Variants in CDH12 observed in about 807,000 individuals in gnomAD.
The protein encoded by CDH12 is cadherin 12.
A neutral mutation model predicts 74.1 loss-of-function variants in CDH12; 41 were observed. The ratio of observed to expected loss-of-function variants is 0.55; its 90% CI spans 0.43 to 0.72. CDH12 has a LOEUF of 0.72. Ranked by LOEUF, CDH12 falls within the 30% of genes least tolerant of loss-of-function variation. The pLI is 0.00. For synonymous variants in CDH12, 399 were observed against 355.0 expected (o/e 1.12, Z -1.39); for missense variants, 945 against 977.2 (o/e 0.97, Z 0.44).
At chr5:22,602,130 T>C (rs967678555) in intron 1 of CDH12, among the ~76,000 whole-genome samples, 15 of 152,142 alleles carry the variant, frequency 9.9e-5, no homozygotes, top group Admixed American at 4.6e-4. Flanking sequence ...TCAAAATAAT[T>C]AGCTGTCAAT....
chr5:22,524,067 GAC>G, intron 1 of CDH12, among the ~76,000 whole-genome samples: 1 of 149,058 alleles, frequency 6.7e-6, no homozygotes, highest in Admixed American at 6.7e-5. Flanking sequence ...CTGCAGCCTT[GAC>G]CTCCCTGGGC....
intron 1 of CDH12, among the ~76,000 whole-genome samples, chr5:22,560,478 C>T (rs1738994104): frequency 6.6e-6 from 1 of 151,942 alleles, no homozygotes; most frequent in African/African-American, 2.4e-5. Context: ...TTTATATAGA[C>T]TTAATTGGAA....
At chr5:22,811,812 A>G (rs865890252) in intron 1 of CDH12, among the ~76,000 whole-genome samples, 4 of 152,144 alleles carry the variant, frequency 2.6e-5, no homozygotes, top group Non-Finnish European at 5.9e-5. Flanking sequence ...TGAAGTGGCT[A>G]CTTGAATAAG....
chr5:22,486,695 C>T (rs944522691), intron 2 of CDH12, among the ~76,000 whole-genome samples: 7 of 151,954 alleles, frequency 4.6e-5, no homozygotes, highest in Non-Finnish European at 7.4e-5. Flanking sequence ...TCAGGTGATC[C>T]GCCTGTCTTG....
At chr5:21,963,445 T>C (rs1367811403) in intron 6 of CDH12, among the ~76,000 whole-genome samples, 1 of 152,144 alleles carries the variant, frequency 6.6e-6, no homozygotes, top group Non-Finnish European at 1.5e-5. Context: ...TGCCTCCTTG[T>C]TTAATGGGAG....
At chr5:22,408,249 TAGATAG>T (rs1743021548) in intron 2 of CDH12, among the ~76,000 whole-genome samples, 2 of 58,960 alleles carry the variant, frequency 3.4e-5, no homozygotes, top group Non-Finnish European at 9.6e-5. Context: ...CAAGAAATCA[TAGATAG>T]AGTTTCAGAG....
chr5:21,895,036 G>C (rs1445143098), intron 6 of CDH12, among the ~76,000 whole-genome samples: 2 of 147,046 alleles, frequency 1.4e-5, no homozygotes, highest in Non-Finnish European at 1.5e-5. Flanking sequence ...AAAAAGACTA[G>C]TTCTCAGAGA....
rs190226035 is a variant in CDH12 at position 22,105,726 on chromosome 5, G to A, written c.-186-26864C>T. Reference sequence around the variant, plus strand: ...ATAAAATAAAATAAAATAAAATAAAGTAAAATAAAATAAAATAAAATAAAA... The same window carrying A: ...ATAAAATAAAATAAAATAAAATAAAATAAAATAAAATAAAATAAAATAAAA... On this transcript the variant is annotated intron_variant, in intron 4 of 14. Coordinates refer to ENST00000382254, the MANE Select transcript of CDH12 (RefSeq NM_004061.5). Among the ~76,000 whole-genome samples, 7 of 147,422 alleles carry A rather than the reference G, an allele frequency of 4.7e-5. No individual in the cohort carries two copies. In the East Asian group the frequency reaches 1.0e-3, roughly 22 times the overall value.
At chr5:22,207,177 C>T (rs2150359397) in intron 4 of CDH12, among the ~76,000 whole-genome samples, 1 of 146,068 alleles carries the variant, frequency 6.8e-6, no homozygotes, top group East Asian at 2.0e-4. Context: ...TGAGATTGCG[C>T]CACTGCACTC....
intron 1 of CDH12, among the ~76,000 whole-genome samples, chr5:22,843,192 A>T (rs1368130173): frequency 6.6e-6 from 1 of 152,046 alleles, no homozygotes; most frequent in East Asian, 1.9e-4. Context: ...TTTTCAGGGT[A>T]GCTCTCTGTG....
intron 3 of CDH12, among the ~76,000 whole-genome samples, chr5:22,309,830 C>T (rs1738300622): frequency 6.6e-6 from 1 of 151,800 alleles, no homozygotes; most frequent in African/African-American, 2.4e-5. Flanking sequence ...CAATATTCTT[C>T]CAAAATAAAC....
At chr5:22,164,167 C>T (rs1050915485) in intron 4 of CDH12, among the ~76,000 whole-genome samples, 2 of 152,216 alleles carry the variant, frequency 1.3e-5, no homozygotes, top group African/African-American at 2.4e-5. Flanking sequence ...AAAATGGCGG[C>T]GGGCCACTTC....
intron 4 of CDH12, among the ~76,000 whole-genome samples, chr5:22,206,890 T>C (rs886331627): frequency 4.0e-5 from 6 of 151,082 alleles, no homozygotes; most frequent in African/African-American, 1.5e-4. Context: ...GAGACAGACA[T>C]TTAGATAGTT....
At chr5:22,646,485 C>T (rs1162902796) in intron 1 of CDH12, among the ~76,000 whole-genome samples, 2 of 151,804 alleles carry the variant, frequency 1.3e-5, no homozygotes, top group Non-Finnish European at 2.9e-5. Flanking sequence ...ACTCAATATT[C>T]ATTTGTGCCT....
chr5:22,011,289 CT>C (rs1403512924), intron 5 of CDH12, among the ~76,000 whole-genome samples: 16 of 152,220 alleles, frequency 1.1e-4, no homozygotes, highest in African/African-American at 3.4e-4. Context: ...TACAGAAGTG[CT>C]TTTACAAAAT....
At chr5:22,549,190 C>T (rs1738459474) in intron 1 of CDH12, among the ~76,000 whole-genome samples, 2 of 151,696 alleles carry the variant, frequency 1.3e-5, no homozygotes, top group African/African-American at 2.4e-5. Flanking sequence ...CCAGGCTGGC[C>T]TGGAATTCCT....
intron 1 of CDH12, among the ~76,000 whole-genome samples, chr5:22,778,918 A>G (rs1747245549): frequency 6.6e-6 from 1 of 152,054 alleles, no homozygotes; most frequent in Admixed American, 6.6e-5. Context: ...CTACAATTTT[A>G]TATTTAGAAT....
At chr5:22,066,251 T>C (rs1448070929) in intron 5 of CDH12, among the ~76,000 whole-genome samples, 1 of 152,130 alleles carries the variant, frequency 6.6e-6, no homozygotes, top group African/African-American at 2.4e-5. Context: ...GAGATTTTGG[T>C]GCACTCATTA....
At chr5:22,407,646 A>C (rs1742997111) in intron 2 of CDH12, among the ~76,000 whole-genome samples, 1 of 152,080 alleles carries the variant, frequency 6.6e-6, no homozygotes, top group Non-Finnish European at 1.5e-5. Context: ...ATCATCTTTC[A>C]CCAGCTACCT....
Sources: gnomAD v4.1 joint callset for allele counts (sites outside exome capture counted in the v4.1 genomes callset) on GRCh38, gnomAD v4.1.1 for gene constraint, MANE v1.5 for transcripts, NCBI Gene and HGNC (gene_info 2026-07-23, HGNC 2026-07-21) for gene names.